SGCZ: variants seen among roughly 807,000 people sequenced by gnomAD.
The protein encoded by SGCZ is sarcoglycan zeta.
Under a neutral mutation model 41.3 loss-of-function variants are expected in SGCZ, and 40 were observed. The ratio of observed to expected loss-of-function variants is 0.97; its 90% CI spans 0.75 to 1.26. SGCZ has a LOEUF of 1.26. SGCZ is among the 50% of genes most tolerant of loss of function. SGCZ has a pLI of 0.00. For synonymous variants in SGCZ, 206 were observed against 137.5 expected (o/e 1.50, Z -3.49); for missense variants, 552 against 369.8 (o/e 1.49, Z -4.04).
intron 2 of SGCZ, among the ~76,000 whole-genome samples, chr8:14,550,942 T>C (rs979217525): frequency 5.3e-5 from 8 of 152,022 alleles, no homozygotes; most frequent in African/African-American, 1.9e-4. Context: ...GGGATTTTTC[T>C]TTCAGCCAAC....
At chr8:14,674,049 A>C (rs1263780801) in intron 1 of SGCZ, among the ~76,000 whole-genome samples, 1 of 152,164 alleles carries the variant, frequency 6.6e-6, no homozygotes, top group Admixed American at 6.5e-5. Flanking sequence ...ATGAAGTTCG[A>C]TGAATAAATT....
intron 4 of SGCZ, among the ~76,000 whole-genome samples, chr8:14,229,867 G>C (rs1373746221): frequency 6.6e-6 from 1 of 151,884 alleles, no homozygotes; most frequent in African/African-American, 2.4e-5. Flanking sequence ...CATTCATTTA[G>C]GAACAAAAAC....
intron 1 of SGCZ, among the ~76,000 whole-genome samples, chr8:14,769,177 T>G (rs1301213379): frequency 1.3e-5 from 2 of 151,856 alleles, no homozygotes; most frequent in African/African-American, 4.8e-5. Flanking sequence ...GAAAAACAGA[T>G]GGAGAAAGAC....
intron 2 of SGCZ, among the ~76,000 whole-genome samples, chr8:14,389,934 C>A (rs1804707007): frequency 6.6e-6 from 1 of 151,878 alleles, no homozygotes; most frequent in Admixed American, 6.6e-5. Flanking sequence ...AAGTAAATGA[C>A]AAGTTAAAAA....
At chr8:14,261,347 C>G (rs1182776087) in intron 3 of SGCZ, among the ~76,000 whole-genome samples, 1 of 152,046 alleles carries the variant, frequency 6.6e-6, no homozygotes, top group African/African-American at 2.4e-5. Flanking sequence ...CCTTTCTAAA[C>G]AAAAAATTCA....
At chr8:14,975,984 GTGTA>G (rs1286980394) in intron 1 of SGCZ, among the ~76,000 whole-genome samples, 1 of 118,392 alleles carries the variant, frequency 8.4e-6, no homozygotes, top group African/African-American at 2.9e-5. Flanking sequence ...GTGTGTATGT[GTGTA>G]TATATATATA....
intron 1 of SGCZ, among the ~76,000 whole-genome samples, chr8:14,731,048 G>T (rs1161365888): frequency 6.6e-6 from 1 of 151,674 alleles, no homozygotes; most frequent in African/African-American, 2.4e-5. Flanking sequence ...TATACCCAAA[G>T]GATGATAAAT....
intron 1 of SGCZ, among the ~76,000 whole-genome samples, chr8:14,854,617 A>G (rs761877013): frequency 1.4e-4 from 21 of 152,212 alleles, no homozygotes; most frequent in Non-Finnish European, 2.8e-4. Flanking sequence ...TGCAAATATA[A>G]GATATTTTGA....
intron 1 of SGCZ, among the ~76,000 whole-genome samples, chr8:14,784,987 AT>A (rs1164567052): frequency 1.5e-4 from 21 of 141,242 alleles, no homozygotes; most frequent in East Asian, 4.0e-4. Flanking sequence ...TTTTTTATAT[AT>A]TATATATATA....
chr8:15,088,457 A>G (rs1490719168), intron 1 of SGCZ, among the ~76,000 whole-genome samples: 1 of 152,160 alleles, frequency 6.6e-6, no homozygotes, highest in African/African-American at 2.4e-5. Flanking sequence ...TCTCTACAGT[A>G]AATAATTTTG....
Position 15,050,883 on chromosome 8 carries a change from T to C in SGCZ, c.39+186702A>G, listed in dbSNP as rs1363327881. ...TATTAGCATATGCCTGAATGTTTAT[T>C]GGAATTCTGCACCACAACATTTTCT... On this transcript the variant is annotated intron_variant, in intron 1 of 7. Coordinates refer to ENST00000382080, the MANE Select transcript of SGCZ (RefSeq NM_139167.4). 3.9e-5 allele frequency among the ~76,000 whole-genome samples: 6 copies of C among 152,196 alleles called. No individual in the cohort carries two copies. In the East Asian group the frequency reaches 9.6e-4, roughly 24 times the overall value.
At chr8:14,158,009 C>T (rs557427020) in intron 5 of SGCZ, among the ~76,000 whole-genome samples, 3 of 152,238 alleles carry the variant, frequency 2.0e-5, no homozygotes, top group African/African-American at 7.2e-5. Flanking sequence ...TGGTGAAACC[C>T]CCGTCTCTAC....
chr8:14,321,849 T>A (rs9694843), intron 3 of SGCZ, among the ~76,000 whole-genome samples: 1 of 151,670 alleles, frequency 6.6e-6, no homozygotes, highest in South Asian at 2.1e-4. Flanking sequence ...AAAAACATCA[T>A]TTCTGCTTTC....
intron 1 of SGCZ, among the ~76,000 whole-genome samples, chr8:14,925,379 T>C (rs1799715025): frequency 6.6e-6 from 1 of 152,148 alleles, no homozygotes; most frequent in African/African-American, 2.4e-5. Flanking sequence ...AGCATGGGAA[T>C]CCCGGAAAAA....
intron 1 of SGCZ, among the ~76,000 whole-genome samples, chr8:14,668,309 T>C (rs1017117216): frequency 6.6e-6 from 1 of 152,182 alleles, no homozygotes; most frequent in Non-Finnish European, 1.5e-5. Flanking sequence ...CGGAAATCTC[T>C]GTGGTGATTA....
At chr8:14,511,290 CT>C (rs937673219) in intron 2 of SGCZ, among the ~76,000 whole-genome samples, 2 of 151,918 alleles carry the variant, frequency 1.3e-5, no homozygotes, top group East Asian at 3.9e-4. Flanking sequence ...TAAAAATTGT[CT>C]TTTTTTAAAT....
At chr8:14,919,346 C>T (rs1434174454) in intron 1 of SGCZ, among the ~76,000 whole-genome samples, 1 of 152,040 alleles carries the variant, frequency 6.6e-6, no homozygotes, top group African/African-American at 2.4e-5. Flanking sequence ...GGGGCTGAAG[C>T]AGGAGAATTG....
intron 3 of SGCZ, among the ~76,000 whole-genome samples, chr8:14,316,520 C>G (rs6995118): frequency 1.3e-5 from 2 of 151,994 alleles, no homozygotes; most frequent in African/African-American, 4.8e-5. Context: ...AAAGCATAAT[C>G]GAGTTAATAG....
At chr8:15,214,092 T>C (rs1387895931) in intron 1 of SGCZ, among the ~76,000 whole-genome samples, 2 of 152,052 alleles carry the variant, frequency 1.3e-5, no homozygotes, top group African/African-American at 4.8e-5. Flanking sequence ...TATTCTAGTA[T>C]AATGAAATGT....
Sources: allele counts gnomAD v4.1 joint callset (sites outside exome capture counted in the v4.1 genomes callset), GRCh38; gene constraint gnomAD v4.1.1; transcripts MANE v1.5; gene names NCBI Gene and HGNC (gene_info 2026-07-23, HGNC 2026-07-21).